Variants in PPM1H observed in about 807,000 individuals in gnomAD.
PPM1H encodes the protein protein phosphatase, Mg2+/Mn2+ dependent 1H.
In PPM1H, 27 loss-of-function variants were observed where a neutral mutation model predicts 54.9. The ratio of observed to expected loss-of-function variants is 0.49; its 90% CI spans 0.36 to 0.68. The LOEUF (loss-of-function observed/expected upper bound fraction) is 0.68. Ranked by LOEUF, PPM1H falls within the 30% of genes least tolerant of loss-of-function variation. The pLI, the probability that PPM1H is intolerant of heterozygous loss-of-function variation, is 0.00. For synonymous variants in PPM1H, 305 were observed against 270.8 expected (o/e 1.13, Z -1.24); for missense variants, 596 against 667.8 (o/e 0.89, Z 1.19).
At chr12:62,888,994 A>G (rs1429054094) in intron 1 of PPM1H, among the ~76,000 whole-genome samples, 3 of 152,172 alleles carry the variant, frequency 2.0e-5, no homozygotes, top group African/African-American at 7.2e-5. Flanking sequence ...AACTATGCCC[A>G]TGGTTGTCAA....
chr12:62,778,992 GAAGAAAGAAA>G (rs1229050463), intron 4 of PPM1H, among the ~76,000 whole-genome samples: 1 of 150,246 alleles, frequency 6.7e-6, no homozygotes, highest in African/African-American at 2.4e-5. Context: ...AGGAAGGAAG[GAAGAAAGAAA>G]AAGAAAGAAA....
intron 6 of PPM1H, among the ~76,000 whole-genome samples, chr12:62,710,172 A>T (rs1201552931): frequency 6.6e-6 from 1 of 152,118 alleles, no homozygotes; most frequent in Non-Finnish European, 1.5e-5. Context: ...TGCTTTAACC[A>T]CAGATGGGCT....
intron 4 of PPM1H, chr12:62,755,810 CTG>C (rs1592581993): frequency 8.7e-6 from 8 of 924,286 alleles, no homozygotes; most frequent in East Asian, 2.4e-5. Context: ...CTCTGGGAAA[CTG>C]TGGTGTGACA....
intron 5 of PPM1H, among the ~76,000 whole-genome samples, chr12:62,730,267 C>G (rs567012928): frequency 6.6e-6 from 1 of 152,124 alleles, no homozygotes; most frequent in African/African-American, 2.4e-5. Flanking sequence ...GGAAGTTTCC[C>G]GTTTAAGCTG....
At chr12:62,921,395 A>G (rs1285025530) in intron 1 of PPM1H, among the ~76,000 whole-genome samples, 1 of 152,146 alleles carries the variant, frequency 6.6e-6, no homozygotes, top group African/African-American at 2.4e-5. Flanking sequence ...TGGTCCTCTC[A>G]GCTGGGCAAG....
At chr12:62,668,411 T>C (rs1433320784) in intron 8 of PPM1H, among the ~76,000 whole-genome samples, 1 of 152,230 alleles carries the variant, frequency 6.6e-6, no homozygotes, top group Non-Finnish European at 1.5e-5. Context: ...TCTCTCACTG[T>C]GTTGCCCAGG....
chr12:62,867,734 C>T (rs2120992770), intron 1 of PPM1H, among the ~76,000 whole-genome samples: 2 of 117,230 alleles, frequency 1.7e-5, no homozygotes, highest in Admixed American at 1.9e-4. Flanking sequence ...CCTGCCACCA[C>T]ACCTGGCTAT....
intron 8 of PPM1H, among the ~76,000 whole-genome samples, chr12:62,670,155 T>G (rs1458017408): frequency 6.6e-6 from 1 of 151,560 alleles, no homozygotes. Flanking sequence ...TTTTGTATTT[T>G]TAGTAGAGAC....
chr12:62,770,078 CT>C (rs35021122), intron 4 of PPM1H, among the ~76,000 whole-genome samples: 14,717 of 143,772 alleles, frequency 0.1, 760 homozygotes, highest in South Asian at 0.16. Context: ...CAACTTTCAG[CT>C]TTTTTTTTTT....
intron 8 of PPM1H, among the ~76,000 whole-genome samples, chr12:62,672,827 A>T (rs1308184146): frequency 2.0e-5 from 3 of 152,216 alleles, no homozygotes; most frequent in African/African-American, 4.8e-5. Context: ...AGGCCCAGAA[A>T]TCCCAATTTG....
At chr12:62,824,749 T>C (rs1868269585) in intron 2 of PPM1H, among the ~76,000 whole-genome samples, 3 of 152,130 alleles carry the variant, frequency 2.0e-5, no homozygotes, top group South Asian at 2.1e-4. Flanking sequence ...CAAAAATTAA[T>C]TGAAGATGGA....
At chr12:62,878,811 G>A (rs142609082) in intron 1 of PPM1H, among the ~76,000 whole-genome samples, 5 of 152,084 alleles carry the variant, frequency 3.3e-5, no homozygotes, top group East Asian at 1.9e-4. Context: ...GTGGTGACAC[G>A]CACCTGTAGT....
At position 62,839,877 on chromosome 12, in the gene PPM1H, A is replaced by AAAAAAAAAAAAAC. The variant is rs1157228098; in HGVS notation, c.246-7599_246-7598insGTTTTTTTTTTTT. On this transcript the variant is annotated intron_variant, in intron 1 of 9. Coordinates refer to ENST00000228705, the MANE Select transcript of PPM1H (RefSeq NM_020700.2). Reference sequence around the variant, plus strand: ...ACATGGTGTGATCCTGTTTCTACAAAAAAAAAAAAAAAACACCCAGTGTGG... The same window carrying AAAAAAAAAAAAAC: ...ACATGGTGTGATCCTGTTTCTACAAAAAAAAAAAAAAACAAAAAAAAAAAAACACCCAGTGTGG... Among the ~76,000 whole-genome samples, 14 of 136,900 alleles carry AAAAAAAAAAAAAC rather than the reference A, an allele frequency of 1.0e-4. No individual in the cohort carries two copies. In the East Asian group the frequency reaches 3.0e-3, roughly 29 times the overall value. The allele number at this position is 136,900 out of a possible 152,430, so 89.8% of individuals were successfully genotyped here.
intron 1 of PPM1H, among the ~76,000 whole-genome samples, chr12:62,915,162 TTTGTTG>T (rs1340004404): frequency 6.6e-6 from 1 of 152,236 alleles, no homozygotes; most frequent in Non-Finnish European, 1.5e-5. Context: ...GTTTTTGTTT[TTTGTTG>T]TTGTTGTTAA....
At chr12:62,659,290 A>AAAAAAG (rs878920391) in intron 9 of PPM1H, 58 of 482,110 alleles carry the variant, frequency 1.2e-4, no homozygotes, top group South Asian at 1.1e-3. Flanking sequence ...AAAAAAAAAA[A>AAAAAAG]AGAGAAAAAC....
At chr12:62,783,361 T>C (rs749613355) in intron 4 of PPM1H, among the ~76,000 whole-genome samples, 2 of 152,210 alleles carry the variant, frequency 1.3e-5, no homozygotes, top group Non-Finnish European at 2.9e-5. Context: ...TTATAAGGTG[T>C]GCCACTATTT....
chr12:62,813,804 A>T (rs2076850304), intron 2 of PPM1H, among the ~76,000 whole-genome samples: 1 of 152,204 alleles, frequency 6.6e-6, no homozygotes, highest in South Asian at 2.1e-4. Flanking sequence ...GATATTAGCT[A>T]ATGATAGCAG....
intron 8 of PPM1H, among the ~76,000 whole-genome samples, chr12:62,671,377 T>G (rs2075955947): frequency 6.6e-6 from 1 of 151,988 alleles, no homozygotes; most frequent in South Asian, 2.1e-4. Flanking sequence ...ATCCTTGAGA[T>G]TCTTGCAGTT....
Position 62,801,678 on chromosome 12 carries a change from C to G in PPM1H, c.756+138G>C, listed in dbSNP as rs2076770553. ...GCCAATTTCTATTGGGAATGGAAGC[C>G]CCATTATCACAGGGGGCCGTCCAGG... On this transcript the variant is annotated intron_variant, in intron 3 of 9. Transcript: ENST00000228705. The G allele has an allele frequency of 3.4e-6, 3 of 890,920 alleles. No individual in the cohort carries two copies. In the South Asian group the frequency reaches 5.3e-5, roughly 16 times the overall value. The allele number at this position is 890,920 out of a possible 1,614,324, so 55.2% of individuals were successfully genotyped here.
Sources: allele counts gnomAD v4.1 joint callset (sites outside exome capture counted in the v4.1 genomes callset), GRCh38; gene constraint gnomAD v4.1.1; transcripts MANE v1.5; gene names NCBI Gene and HGNC (gene_info 2026-07-23, HGNC 2026-07-21).